Variants in LNPEP observed in about 807,000 individuals in gnomAD.
The protein encoded by LNPEP is leucyl-cystinyl aminopeptidase.
A neutral mutation model predicts 120.6 loss-of-function variants in LNPEP; 64 were observed. The ratio of observed to expected loss-of-function variants is 0.53; its 90% CI spans 0.43 to 0.65. The LOEUF (loss-of-function observed/expected upper bound fraction) is 0.65. Among genes scored for constraint, LNPEP ranks in the 30% least tolerant of loss-of-function variants. The probability of loss-of-function intolerance (pLI) is 0.00; values close to 1 mark genes in which losing one functional copy is unlikely to be tolerated. For missense variants in LNPEP, 1,057 were observed against 1,200.0 expected (o/e 0.88, Z 1.76); for synonymous variants, 435 against 425.4 (o/e 1.02, Z -0.28).
chr5:97,031,920 A>G lies in LNPEP; in HGVS notation c.*3387A>G, dbSNP rs1791477110. 6.6e-6 allele frequency: 1 copy of G among 152,096 alleles called. No individual in the cohort carries two copies. The allele number at this position is 152,096 out of a possible 1,614,324, so 9.4% of individuals were successfully genotyped here. A position where few individuals can be genotyped will look rare whatever the true frequency, so the allele number is the denominator to read the frequency against. ...ACAAAAAAAAAAGAGTTAAGTGTTG[A>G]TTTTGTTGGATTACTGACAGTTTGT... On this transcript the variant is annotated 3_prime_UTR_variant, in exon 18 of 18. Transcript: ENST00000231368.
chr5:97,000,833 T>C (rs776306453), intron 8 of LNPEP, among the ~76,000 whole-genome samples: 1 of 152,194 alleles, frequency 6.6e-6, no homozygotes, highest in Non-Finnish European at 1.5e-5. Flanking sequence ...TAGTGCATCA[T>C]CAAACCTGGA....
At position 97,034,035 on chromosome 5, in the gene LNPEP, TA is replaced by T. The variant is rs2112684532; in HGVS notation, c.*5503del. 6.6e-6 allele frequency: 1 copy of T among 152,320 alleles called. No homozygotes were observed. Among genetic ancestry groups the T allele is most frequent in the Non-Finnish European group, 1.5e-5 (1 of 68,030 alleles). 9.4% of individuals were successfully genotyped at this position (152,320 alleles called of 1,614,324 possible). On this transcript the variant is annotated 3_prime_UTR_variant, in exon 18 of 18. Coordinates refer to ENST00000231368, the MANE Select transcript of LNPEP (RefSeq NM_005575.3). ...AACTATATTGTATTATTTCATGCTG[TA>T]CCCAGTCCATTGCTTGGACTTACGG...
At chr5:97,026,832 C>A in intron 16 of LNPEP, 75 bp downstream of exon 16, 1 of 1,301,426 alleles carries the variant, frequency 7.7e-7, no homozygotes, top group Non-Finnish European at 1.1e-6. Flanking sequence ...AGTGTTTTGG[C>A]TCACAGAAGT....
chr5:97,028,808 A>T lies in LNPEP; in HGVS notation c.*275A>T, dbSNP rs1791410331. On this transcript the variant is annotated 3_prime_UTR_variant, in exon 18 of 18. Transcript: ENST00000231368. The stretch of plus-strand genomic sequence containing the variant: ...ATTTTTCTACTTTGAAGATACACAG[A>T]TGGGGACAAAAACCCTGTTTTGGAA... 1 of 278,014 alleles carries T rather than the reference A, an allele frequency of 3.6e-6. No individual in the cohort carries two copies. The highest frequency in any genetic ancestry group is 6.8e-6 in the Non-Finnish European group (1 of 146,172). 17.2% of individuals were successfully genotyped at this position (278,014 alleles called of 1,614,324 possible).
chr5:97,011,999 A>C (rs942871854), intron 11 of LNPEP, among the ~76,000 whole-genome samples: 4 of 152,210 alleles, frequency 2.6e-5, no homozygotes, highest in African/African-American at 9.6e-5. Context: ...TTAGTACCTA[A>C]GCTAAGGCTT....
At chr5:96,988,582 C>T (rs916986980) in intron 4 of LNPEP, among the ~76,000 whole-genome samples, 4 of 151,698 alleles carry the variant, frequency 2.6e-5, no homozygotes, top group African/African-American at 7.3e-5. Context: ...GTGATCCGCC[C>T]GCCTCAGCCT....
chr5:96,980,240 G>GT (rs1331570047), intron 2 of LNPEP, among the ~76,000 whole-genome samples: 5 of 152,088 alleles, frequency 3.3e-5, no homozygotes, highest in African/African-American at 4.8e-5. Context: ...GTTATCTTGA[G>GT]TTTTTCACAT....
At chr5:96,964,758 C>G (rs566957371) in intron 1 of LNPEP, among the ~76,000 whole-genome samples, 1 of 152,182 alleles carries the variant, frequency 6.6e-6, no homozygotes, top group South Asian at 2.1e-4. Flanking sequence ...CTGGTTTAAA[C>G]TTATTAGTGA....
chr5:96,996,248 G>C, intron 6 of LNPEP, 142 bp from the exon 7 acceptor site: 1 of 488,040 alleles, frequency 2.0e-6, no homozygotes, highest in Non-Finnish European at 3.7e-6. Context: ...TTTGAATATA[G>C]TTTGTTTTAA....
Position 97,036,010 on chromosome 5 carries a change from T to C in LNPEP, c.*7477T>C, listed in dbSNP as rs1313909712. ...CATTGCTCATATATCTTTTAGTAAC[T>C]GGTAAACCGGCGAAGCTGATAAGCC... On this transcript the variant is annotated 3_prime_UTR_variant, in exon 18 of 18. Coordinates refer to ENST00000231368, the MANE Select transcript of LNPEP (RefSeq NM_005575.3). The C allele has an allele frequency of 1.3e-5, 2 of 152,196 alleles. No individual in the cohort carries two copies. The highest frequency in any genetic ancestry group is 2.9e-5 in the Non-Finnish European group (2 of 68,026). 9.4% of individuals were successfully genotyped at this position (152,196 alleles called of 1,614,324 possible). A position where few individuals can be genotyped will look rare whatever the true frequency, so the allele number is the denominator to read the frequency against.
chr5:96,985,285 C>A, intron 3 of LNPEP, 67 bp downstream of exon 3: 1 of 1,336,872 alleles, frequency 7.5e-7, no homozygotes, highest in Non-Finnish European at 1.0e-6. Flanking sequence ...CACTTAAATT[C>A]CTCTTTGCCA....
chr5:96,946,238 A>G (rs1437118308), intron 1 of LNPEP, among the ~76,000 whole-genome samples: 2 of 152,210 alleles, frequency 1.3e-5, no homozygotes, highest in Non-Finnish European at 2.9e-5. Flanking sequence ...AGTATTGGGT[A>G]TTAGTGGGAA....
intron 1 of LNPEP, among the ~76,000 whole-genome samples, chr5:96,943,903 A>C (rs539805994): frequency 6.6e-6 from 1 of 152,334 alleles, no homozygotes; most frequent in East Asian, 1.9e-4. Context: ...CAGTTGTCTG[A>C]ATTTCTCTGG....
rs769501083 is a variant in LNPEP at position 97,014,941 on chromosome 5, T to G, written c.2222T>G (p.Leu741Arg). Reference sequence around the variant, plus strand: ...TTTCCTGTTCTTTTATCCTTTAGCCTAGGCAAGGTACCTCTCAAGAGGGCC... The same window carrying G: ...TTTCCTGTTCTTTTATCCTTTAGCCGAGGCAAGGTACCTCTCAAGAGGGCC... ...LINNIFELAGLGKVPLKRAFD... is the reference protein window; with the variant it reads ...LINNIFELAGRGKVPLKRAFD... Residue 741 changes from leucine (L) to arginine (R), a missense_variant and splice_region_variant, in exon 13 of 18, where the codon CTA becomes CGA. By Grantham distance (102) the Leu-to-Arg change is moderately radical (BLOSUM62 -2). Transcript: ENST00000231368. 9 of 1,550,878 alleles carry G rather than the reference T, an allele frequency of 5.8e-6. No homozygotes were observed.
intron 1 of LNPEP, among the ~76,000 whole-genome samples, chr5:96,943,352 G>A (rs1280666551): frequency 1.3e-5 from 2 of 152,014 alleles, no homozygotes; most frequent in Admixed American, 6.5e-5. Context: ...GCAGTGGCAC[G>A]GCCACAGCAC....
At chr5:96,989,290 ATT>A (rs1423370666) in intron 4 of LNPEP, among the ~76,000 whole-genome samples, 3 of 116,490 alleles carry the variant, frequency 2.6e-5, no homozygotes, top group Non-Finnish European at 3.4e-5. Flanking sequence ...ATAATATATA[ATT>A]TATATATAAT....
At chr5:97,027,062 A>G (rs1038940468) in intron 16 of LNPEP, among the ~76,000 whole-genome samples, 1 of 152,160 alleles carries the variant, frequency 6.6e-6, no homozygotes, top group Non-Finnish European at 1.5e-5. Flanking sequence ...ATTGAAAAAT[A>G]CCTCTGTATG....
chr5:97,002,441 T>G (rs1395058241), intron 8 of LNPEP, among the ~76,000 whole-genome samples: 2 of 152,206 alleles, frequency 1.3e-5, no homozygotes, highest in Non-Finnish European at 2.9e-5. Context: ...GAGAAAGGAC[T>G]GTTGGGGACA....
At chr5:97,024,707 T>C (rs765669608) in intron 15 of LNPEP, 25 bp downstream of exon 15, 3 of 1,598,918 alleles carry the variant, frequency 1.9e-6, no homozygotes, top group Non-Finnish European at 2.6e-6. Flanking sequence ...AGGAATATGA[T>C]ATACAGAAAC....
Sources: allele counts gnomAD v4.1 joint callset (sites outside exome capture counted in the v4.1 genomes callset), GRCh38; gene constraint gnomAD v4.1.1; transcripts MANE v1.5; gene names NCBI Gene and HGNC (gene_info 2026-07-23, HGNC 2026-07-21).